The following AGBL4 variants were observed in gnomAD, a reference collection of about 807,000 sequenced individuals.
The protein encoded by AGBL4 is cytosolic carboxypeptidase 6.
A neutral mutation model predicts 66.4 loss-of-function variants in AGBL4; 58 were observed. That is an observed-to-expected ratio of 0.87 (90% CI 0.71 to 1.09). AGBL4 has a LOEUF of 1.09. Ranked by LOEUF, AGBL4 falls within the 50% of genes least tolerant of loss-of-function variation. The pLI is 0.00. For missense variants in AGBL4, 579 were observed against 631.0 expected, an observed-to-expected ratio of 0.92 and a Z score of 0.88; for synonymous variants, 234 against 222.9, an observed-to-expected ratio of 1.05 and a Z score of -0.44.
chr1:48,758,987 C>T (rs1217581182), intron 6 of AGBL4: 1 of 1,613,762 alleles, frequency 6.2e-7, no homozygotes, highest in Admixed American at 1.7e-5. Flanking sequence ...GCCCCGTACT[C>T]CTTGAGCTTC....
intron 5 of AGBL4, among the ~76,000 whole-genome samples, chr1:48,904,820 C>G (rs17105107): frequency 0.012 from 1,809 of 152,086 alleles, 35 homozygotes; most frequent in African/African-American, 0.04. Flanking sequence ...ATGTAATTAC[C>G]AACATAGAAA....
At chr1:49,502,211 G>C (rs1042280485) in intron 3 of AGBL4, among the ~76,000 whole-genome samples, 1 of 152,132 alleles carries the variant, frequency 6.6e-6, no homozygotes, top group Non-Finnish European at 1.5e-5. Context: ...CCACAGACTG[G>C]AGGCTGCACT....
intron 3 of AGBL4, among the ~76,000 whole-genome samples, chr1:49,379,738 C>T (rs926380860): frequency 2.0e-5 from 3 of 152,078 alleles, no homozygotes; most frequent in African/African-American, 7.2e-5. Context: ...CCCACTTGAT[C>T]ATGGTGGATA....
chr1:49,442,510 T>A (rs1646056938), intron 3 of AGBL4, among the ~76,000 whole-genome samples: 1 of 152,202 alleles, frequency 6.6e-6, no homozygotes, highest in African/African-American at 2.4e-5. Flanking sequence ...ACTAGCAATA[T>A]CTTTCTGTGC....
intron 5 of AGBL4, among the ~76,000 whole-genome samples, chr1:48,984,456 T>A (rs1483696480): frequency 6.9e-6 from 1 of 145,628 alleles, no homozygotes; most frequent in Non-Finnish European, 1.5e-5. Context: ...TATCTTTCTT[T>A]AAAAAAAAAA....
chr1:49,811,303 T>C (rs990109166), intron 2 of AGBL4, among the ~76,000 whole-genome samples: 1 of 152,168 alleles, frequency 6.6e-6, no homozygotes, highest in African/African-American at 2.4e-5. Flanking sequence ...CTGCATTTCA[T>C]CCATTTCTGC....
chr1:49,480,381 T>C (rs1314654977), intron 3 of AGBL4, among the ~76,000 whole-genome samples: 1 of 152,120 alleles, frequency 6.6e-6, no homozygotes, highest in Non-Finnish European at 1.5e-5. Flanking sequence ...ATTTCTCTAA[T>C]GATTAGTGAT....
chr1:49,768,027 CA>C (rs949059645), intron 2 of AGBL4, among the ~76,000 whole-genome samples: 3 of 147,810 alleles, frequency 2.0e-5, no homozygotes, highest in South Asian at 4.4e-4. Context: ...CAAAACAAAA[CA>C]AAAAAACCCT....
intron 4 of AGBL4, among the ~76,000 whole-genome samples, chr1:49,119,313 C>G (rs1483341611): frequency 6.6e-6 from 1 of 152,142 alleles, no homozygotes; most frequent in African/African-American, 2.4e-5. Context: ...TAGATCTTTT[C>G]TGCCTTCTCT....
chr1:48,535,023 C>A, intron 12 of AGBL4, 107 bp from the exon 13 acceptor site: 1 of 1,020,692 alleles, frequency 9.8e-7, no homozygotes, highest in Non-Finnish European at 1.5e-6. Flanking sequence ...TTTTAACACC[C>A]AAACGGAGCA....
intron 3 of AGBL4, among the ~76,000 whole-genome samples, chr1:49,533,706 A>G (rs1651329044): frequency 6.6e-6 from 1 of 152,140 alleles, no homozygotes; most frequent in Non-Finnish European, 1.5e-5. Context: ...TTGCTGACAC[A>G]TAATTCAGAT....
chr1:49,462,027 T>G (rs2148699947), intron 3 of AGBL4, among the ~76,000 whole-genome samples: 1 of 151,894 alleles, frequency 6.6e-6, no homozygotes, highest in Non-Finnish European at 1.5e-5. Context: ...TAGTTCTAGA[T>G]CCTTGAGGAA....
chr1:48,915,508 C>G (rs1377424918), intron 5 of AGBL4, among the ~76,000 whole-genome samples: 1 of 152,208 alleles, frequency 6.6e-6, no homozygotes, highest in Non-Finnish European at 1.5e-5. Context: ...AGCCCAGGGA[C>G]TGTCTTGGTC....
chr1:48,940,183 G>C (rs1369068827), intron 5 of AGBL4, among the ~76,000 whole-genome samples: 1 of 152,180 alleles, frequency 6.6e-6, no homozygotes, highest in African/African-American at 2.4e-5. Flanking sequence ...TTCGAAACCA[G>C]CCTGGCCAAC....
chr1:48,818,274 C>A, intron 6 of AGBL4: 1 of 717,260 alleles, frequency 1.4e-6, no homozygotes, highest in South Asian at 1.5e-5. Context: ...AATATTATCT[C>A]CGTGGCATCT....
At chr1:48,996,470 A>G (rs1376535822) in intron 5 of AGBL4, among the ~76,000 whole-genome samples, 1 of 152,200 alleles carries the variant, frequency 6.6e-6, no homozygotes, top group Non-Finnish European at 1.5e-5. Flanking sequence ...CACTGTGGAG[A>G]AGAAAGAGGA....
intron 3 of AGBL4, among the ~76,000 whole-genome samples, chr1:49,438,919 T>C (rs899842779): frequency 1.3e-4 from 20 of 152,324 alleles, no homozygotes; most frequent in African/African-American, 4.6e-4. Context: ...TCTTGCTGCA[T>C]CATCACACAG....
intron 6 of AGBL4, among the ~76,000 whole-genome samples, chr1:48,751,388 T>C (rs906148521): frequency 3.9e-5 from 6 of 152,164 alleles, no homozygotes; most frequent in Admixed American, 6.5e-5. Context: ...CAGAAGCACA[T>C]GGCTAAGGGA....
At chr1:49,767,389 A>T (rs1261703090) in intron 2 of AGBL4, among the ~76,000 whole-genome samples, 3 of 151,980 alleles carry the variant, frequency 2.0e-5, no homozygotes, top group Non-Finnish European at 2.9e-5. Flanking sequence ...AGGCAGAAAT[A>T]AAAAAAATTA....
Sources: allele counts gnomAD v4.1 joint callset (sites outside exome capture counted in the v4.1 genomes callset), GRCh38; gene constraint gnomAD v4.1.1; transcripts MANE v1.5; gene names NCBI Gene and HGNC (gene_info 2026-07-23, HGNC 2026-07-21).